The following SKIC3 variants were observed in gnomAD, a reference collection of about 807,000 sequenced individuals.
SKIC3 encodes superkiller complex protein 3.
chr5:95,493,585 A>C, the SKIC3 span, among the ~76,000 whole-genome samples: 64 of 152,278 alleles, frequency 4.2e-4, no homozygotes, highest in Non-Finnish European at 7.6e-4. Flanking sequence ...GAAAGAAAAG[A>C]TAAACAACAG....
chr5:95,489,123 C>G, the SKIC3 span, among the ~76,000 whole-genome samples: 2 of 151,982 alleles, frequency 1.3e-5, no homozygotes, highest in Non-Finnish European at 2.9e-5. Flanking sequence ...TTGAGACCAG[C>G]CTGAGCAACA....
At chr5:95,499,437 G>T in the SKIC3 span, among the ~76,000 whole-genome samples, 6 of 152,158 alleles carry the variant, frequency 3.9e-5, no homozygotes, top group Non-Finnish European at 5.9e-5. Flanking sequence ...AAGCAATGCT[G>T]CCATACTTCC....
chr5:95,542,002 ATTATTTCTG>A, the SKIC3 span: 1 of 772,010 alleles, frequency 1.3e-6, no homozygotes, highest in African/African-American at 1.8e-5. Context: ...ATCTATAAAG[ATTATTTCTG>A]AAAAAGGATT....
chr5:95,512,954 T>C, the SKIC3 span: 1 of 293,478 alleles, frequency 3.4e-6, no homozygotes, highest in Middle Eastern at 1.2e-3. Context: ...TCATAAATAA[T>C]CTAGAAATGT....
chr5:95,526,491 G>A, the SKIC3 span, among the ~76,000 whole-genome samples: 1 of 149,982 alleles, frequency 6.7e-6, no homozygotes, highest in African/African-American at 2.4e-5. Flanking sequence ...GTTTTTTGGA[G>A]AGACAAGAGT....
the SKIC3 span, among the ~76,000 whole-genome samples, chr5:95,544,120 A>G: frequency 6.6e-6 from 1 of 152,186 alleles, no homozygotes; most frequent in Non-Finnish European, 1.5e-5. Context: ...TGTCCCTAAT[A>G]TGCAGTACAA....
At chr5:95,515,679 A>G in the SKIC3 span, among the ~76,000 whole-genome samples, 1 of 152,116 alleles carries the variant, frequency 6.6e-6, no homozygotes, top group Admixed American at 6.6e-5. Context: ...ATCTATTTAC[A>G]ATTTTCTAAA....
the SKIC3 span, among the ~76,000 whole-genome samples, chr5:95,550,053 T>C: frequency 6.6e-6 from 1 of 152,110 alleles, no homozygotes; most frequent in East Asian, 1.9e-4. Context: ...ATACCTCTCC[T>C]CCCACTATTC....
the SKIC3 span, among the ~76,000 whole-genome samples, chr5:95,487,179 CA>C: frequency 6.6e-6 from 1 of 152,304 alleles, no homozygotes; most frequent in African/African-American, 2.4e-5. Flanking sequence ...TTCCTGCCCT[CA>C]AACATCAGAC....
At chr5:95,467,888 T>C in the SKIC3 span, 13 of 1,613,694 alleles carry the variant, frequency 8.1e-6, no homozygotes, top group Admixed American at 8.3e-5. Flanking sequence ...ATAGTCATCT[T>C]TGGCATATAA....
chr5:95,512,824 G>A, the SKIC3 span: 39 of 575,154 alleles, frequency 6.8e-5, no homozygotes, highest in African/African-American at 3.2e-4. Context: ...CAATCCTAAC[G>A]AGAAGAATCA....
chr5:95,465,698 G>A, the SKIC3 span, among the ~76,000 whole-genome samples: 36,669 of 152,070 alleles, frequency 0.24, 5,783 homozygotes, highest in African/African-American at 0.44. Flanking sequence ...AGTCTGTGAC[G>A]TGGATGGACT....
the SKIC3 span, among the ~76,000 whole-genome samples, chr5:95,554,008 C>T: frequency 3.3e-5 from 5 of 152,258 alleles, no homozygotes; most frequent in African/African-American, 7.2e-5. Flanking sequence ...TGACTGGCTC[C>T]CTGTGTAAAC....
the SKIC3 span, among the ~76,000 whole-genome samples, chr5:95,554,535 AG>A: frequency 6.6e-6 from 1 of 152,204 alleles, no homozygotes; most frequent in African/African-American, 2.4e-5. Context: ...TCTGAAGGCA[AG>A]GAACAGCTAT....
At chr5:95,518,172 T>C in the SKIC3 span, among the ~76,000 whole-genome samples, 1 of 152,104 alleles carries the variant, frequency 6.6e-6, no homozygotes, top group Admixed American at 6.6e-5. Context: ...TGAAAGATTT[T>C]TGTAAATTTT....
chr5:95,525,663 G>A, the SKIC3 span: 7 of 1,613,872 alleles, frequency 4.3e-6, no homozygotes, highest in Non-Finnish European at 5.1e-6. Context: ...GATATTATCT[G>A]CATCAGAAAT....
At chr5:95,467,900 T>C in the SKIC3 span, 3 of 1,613,534 alleles carry the variant, frequency 1.9e-6, no homozygotes, top group African/African-American at 2.7e-5. Context: ...GGCATATAAG[T>C]GTCTCAGTAG....
the SKIC3 span, chr5:95,543,202 G>A: frequency 1.2e-6 from 2 of 1,613,880 alleles, no homozygotes; most frequent in Non-Finnish European, 1.7e-6. Flanking sequence ...CTAGTAATTG[G>A]TCTGGCTCTA....
chr5:95,484,991 A>G, the SKIC3 span: 1 of 839,186 alleles, frequency 1.2e-6, no homozygotes, highest in Admixed American at 2.2e-5. Context: ...ACCATAGACT[A>G]TCCTGACAAG....
Sources: gnomAD v4.1 joint callset for allele counts (sites outside exome capture counted in the v4.1 genomes callset) on GRCh38, gnomAD v4.1.1 for gene constraint, MANE v1.5 for transcripts, NCBI Gene and HGNC (gene_info 2026-07-23, HGNC 2026-07-21) for gene names.